PDE4DIP: variants seen among roughly 807,000 people sequenced by gnomAD.
PDE4DIP encodes myomegalin.
A neutral mutation model predicts 221.4 loss-of-function variants in PDE4DIP; 59 were observed. That is an observed-to-expected ratio of 0.27 (90% confidence interval 0.22 to 0.33). The LOEUF (loss-of-function observed/expected upper bound fraction) is 0.33. Among genes scored for constraint, PDE4DIP ranks in the 10% least tolerant of loss-of-function variants. The pLI, the probability that PDE4DIP is intolerant of heterozygous loss-of-function variation, is 1.00. For synonymous variants in PDE4DIP, 404 were observed against 815.9 expected (o/e 0.50, Z 8.60); for missense variants, 1,036 against 2,154.2 (o/e 0.48, Z 10.28).
intron 1 of PDE4DIP, among the ~76,000 whole-genome samples, chr1:148,862,195 A>T (rs1684537059): frequency 6.7e-6 from 1 of 150,260 alleles, no homozygotes; most frequent in South Asian, 2.1e-4. Flanking sequence ...TTTTTATAGC[A>T]CTTGTTCCCA....
At position 149,020,989 on chromosome 1, in the gene PDE4DIP, A is replaced by G. The variant is rs781801130; in HGVS notation, c.5961-40A>G. Reference sequence around the variant, plus strand: ...GCCTGTTGCTCTGGTGTGGCTGAGTAGCTCTGCCATCTCAGTGGGCCTTGC... The same window carrying G: ...GCCTGTTGCTCTGGTGTGGCTGAGTGGCTCTGCCATCTCAGTGGGCCTTGC... On this transcript the variant is annotated intron_variant, in intron 36 of 43. Transcript: ENST00000369354. 1.4e-3 allele frequency: 1,726 copies of G among 1,198,264 alleles called. 17 individuals are homozygous for G. The highest frequency in any genetic ancestry group is 7.1e-3 in the South Asian group (466 of 66,032). 74.2% of individuals were successfully genotyped at this position (1,198,264 alleles called of 1,614,324 possible).
chr1:148,965,339 A>G lies in PDE4DIP; in HGVS notation c.1195-145A>G, dbSNP rs1208243408. The G allele has an allele frequency of 6.9e-6, 4 of 582,040 alleles. No individual in the cohort carries two copies. In the African/African-American group the frequency reaches 7.5e-5, roughly 11 times the overall value. 36.1% of individuals were successfully genotyped at this position (582,040 alleles called of 1,614,324 possible). ...CAATTTTCCATATCCTATTCAATTCATGTATAATACTTCTATAGCAATTTT... is the reference window on the plus strand; with the variant it reads ...CAATTTTCCATATCCTATTCAATTCGTGTATAATACTTCTATAGCAATTTT... On this transcript the variant is annotated intron_variant, in intron 9 of 43. Coordinates refer to ENST00000369354, the Ensembl canonical transcript of PDE4DIP.
chr1:148,827,412 G>A (rs1226266994), intron 1 of PDE4DIP, among the ~76,000 whole-genome samples: 1 of 100,852 alleles, frequency 9.9e-6, no homozygotes, highest in African/African-American at 3.3e-5. Context: ...CCGCCACCAC[G>A]TCCAGCTAAT....
chr1:149,029,638 C>T lies in PDE4DIP; in HGVS notation c.6814-149C>T, dbSNP rs1418224061. 3 of 685,664 alleles carry T rather than the reference C, an allele frequency of 4.4e-6. No homozygotes were observed. The East Asian group carries it at 7.8e-5, about 18-fold the overall frequency. The allele number at this position is 685,664 out of a possible 1,614,324, so 42.5% of individuals were successfully genotyped here. On this transcript the variant is annotated intron_variant, in intron 41 of 43. Transcript: ENST00000369354. ...TGGCCTCATCCTGAACTGTCCTCAG[C>T]TGGAGGTATCCGAGGCTGTGAAGGA...
rs782306384 is a variant in PDE4DIP at position 149,022,215 on chromosome 1, T to TG, written c.6085+1063dup. Among the ~76,000 whole-genome samples, 18 of 142,618 alleles carry TG rather than the reference T, an allele frequency of 1.3e-4. No individual in the cohort carries two copies. The South Asian group carries it at 3.3e-3, about 26-fold the overall frequency. The allele number at this position is 142,618 out of a possible 152,430, so 93.6% of individuals were successfully genotyped here. ...GTGTGATGTTCGCCTGTGGAGACCA[T>TG]GTCTAAAATATTGTTAGATTAAGGG... On this transcript the variant is annotated intron_variant, in intron 37 of 43. Coordinates refer to ENST00000369354, the Ensembl canonical transcript of PDE4DIP.
intron 43 of PDE4DIP, among the ~76,000 whole-genome samples, chr1:149,031,426 C>A (rs1429150469): frequency 6.6e-6 from 1 of 151,784 alleles, no homozygotes; most frequent in Non-Finnish European, 1.5e-5. Flanking sequence ...GACTGCTGCA[C>A]CCTCATCTGT....
In PDE4DIP at chr1:149,020,965, C is replaced by G. The variant is rs1172497245; in HGVS notation, c.5961-64C>G. 2 of 1,145,396 alleles carry G rather than the reference C, an allele frequency of 1.7e-6. 1 individual carries two copies. The highest frequency in any genetic ancestry group is 3.1e-5 in the African/African-American group (2 of 64,688). The allele number at this position is 1,145,396 out of a possible 1,614,324, so 71.0% of individuals were successfully genotyped here. ...CTCTGAGTTGACATCTGGCTCTCAG[C>G]CTGTTGCTCTGGTGTGGCTGAGTAG... On this transcript the variant is annotated intron_variant, in intron 36 of 43. Coordinates refer to ENST00000369354, the Ensembl canonical transcript of PDE4DIP.
rs2058449730 is a variant in PDE4DIP at position 148,967,717 on chromosome 1, T to C, written c.1606-9T>C. The C allele has an allele frequency of 6.5e-7, 1 of 1,542,918 alleles. No individual in the cohort carries two copies. The highest frequency in any genetic ancestry group is 9.0e-7 in the Non-Finnish European group (1 of 1,115,648). ...TTTTGACTGATTATTGCTCTCTTTA[T>C]GGCTGTAGAGTATGGAGAGTCTCCT... On this transcript the variant is annotated splice_polypyrimidine_tract_variant and intron_variant, in intron 12 of 43. Transcript: ENST00000369354.
chr1:148,956,183 G>A (rs587757415), intron 5 of PDE4DIP, among the ~76,000 whole-genome samples: 1 of 151,840 alleles, frequency 6.6e-6, no homozygotes, highest in Non-Finnish European at 1.5e-5. Flanking sequence ...GTAGAAACAC[G>A]AAACCATGAA....
intron 1 of PDE4DIP, among the ~76,000 whole-genome samples, chr1:148,840,332 AT>A (rs11451563): frequency 1.8e-4 from 14 of 79,366 alleles, no homozygotes; most frequent in South Asian, 1.7e-3. Flanking sequence ...CTTTTTATTT[AT>A]TTTTTTTTTT....
intron 36 of PDE4DIP, chr1:149,020,615 G>T (rs1553617436): frequency 2.3e-5 from 8 of 349,496 alleles, no homozygotes; most frequent in Admixed American, 4.4e-5. Context: ...GAAAAAGAAG[G>T]GTTCCCATGC....
At chr1:148,858,966 C>CAAG (rs1682767159) in intron 1 of PDE4DIP, among the ~76,000 whole-genome samples, 3 of 61,780 alleles carry the variant, frequency 4.9e-5, no homozygotes, top group Non-Finnish European at 9.5e-5. Context: ...GGCTCCTAAG[C>CAAG]AAGAAGAAAC....
chr1:148,952,193 G>A (rs1485543799), intron 5 of PDE4DIP: 17 of 1,038,126 alleles, frequency 1.6e-5, no homozygotes, highest in Non-Finnish European at 2.0e-5. Context: ...GCTGTGGCCC[G>A]CGCCAGTAGT....
chr1:148,975,869 A>G (rs587659410), intron 17 of PDE4DIP, among the ~76,000 whole-genome samples: 1 of 152,276 alleles, frequency 6.6e-6, no homozygotes, highest in Admixed American at 6.5e-5. Context: ...AGCTAGATCT[A>G]TAATATAAAA....
chr1:149,000,149 G>A (rs1388077491), intron 23 of PDE4DIP, among the ~76,000 whole-genome samples: 1 of 152,064 alleles, frequency 6.6e-6, no homozygotes, highest in Non-Finnish European at 1.5e-5. Flanking sequence ...AAGACTCCTG[G>A]ATTCTGAGAA....
rs7523076 is a variant in PDE4DIP at position 148,926,786 on chromosome 1, C to A, written c.142-2411C>A. Among the ~76,000 whole-genome samples, 68 of 151,118 alleles carry A rather than the reference C, an allele frequency of 4.5e-4. 1 individual carries two copies. The highest frequency in any genetic ancestry group is 7.5e-4 in the Non-Finnish European group (51 of 67,672). ...ATTTTTTATGAAGACATTTGAATTC[C>A]TTTAAGTATTGACCACAAAGCTGGG... On this transcript the variant is annotated intron_variant, in intron 1 of 43. Transcript: ENST00000369354.
intron 1 of PDE4DIP, among the ~76,000 whole-genome samples, chr1:148,920,203 G>T (rs1457597362): frequency 6.9e-6 from 1 of 145,294 alleles, no homozygotes; most frequent in African/African-American, 2.7e-5. Flanking sequence ...CGCAATCTTC[G>T]CTCACCGAAA....
intron 1 of PDE4DIP, among the ~76,000 whole-genome samples, chr1:148,925,820 C>T (rs1361712837): frequency 4.4e-4 from 66 of 151,092 alleles, no homozygotes; most frequent in Admixed American, 1.1e-3. Context: ...TATAAGAAAA[C>T]TGAGGCTCAT....
chr1:148,927,599 G>A lies in PDE4DIP; in HGVS notation c.142-1598G>A, dbSNP rs587683690. ...TAGGTGTTGGTGGTTATTATATGGCGATAGTAAAGTAAAATCCTCCCTACT... is the reference window on the plus strand; with the variant it reads ...TAGGTGTTGGTGGTTATTATATGGCAATAGTAAAGTAAAATCCTCCCTACT... On this transcript the variant is annotated intron_variant, in intron 1 of 43. Transcript: ENST00000369354. 6.6e-5 allele frequency among the ~76,000 whole-genome samples: 10 copies of A among 151,926 alleles called. No homozygotes were observed. In the East Asian group the frequency reaches 9.7e-4, roughly 15 times the overall value.
Sources: gnomAD v4.1 joint callset for allele counts (sites outside exome capture counted in the v4.1 genomes callset) on GRCh38, gnomAD v4.1.1 for gene constraint, MANE v1.5 for transcripts, NCBI Gene and HGNC (gene_info 2026-07-23, HGNC 2026-07-21) for gene names.